The following TPRKB variants were observed in gnomAD, a reference collection of about 807,000 sequenced individuals.
TPRKB encodes EKC/KEOPS complex subunit TPRKB.
Under a neutral mutation model 17.8 loss-of-function variants are expected in TPRKB, and 11 were observed. The observed-to-expected ratio is 0.62, with a 90% CI of 0.39 to 1.02. The LOEUF is 1.02. Ranked by LOEUF, TPRKB falls within the 50% of genes least tolerant of loss-of-function variation. The pLI is 0.00. For synonymous variants in TPRKB, 71 were observed against 69.5 expected (o/e 1.02, Z -0.11); for missense variants, 228 against 198.0 (o/e 1.15, Z -0.91).
At chr2:73,730,148 CAA>C in intron 4 of TPRKB, 119 bp from the exon 5 acceptor site, 2 of 1,177,582 alleles carry the variant, frequency 1.7e-6, no homozygotes, top group Non-Finnish European at 2.3e-6. Flanking sequence ...CATGGTATAA[CAA>C]ACAACAAATG....
At chr2:73,735,866 A>G (rs1327340608) in intron 1 of TPRKB, among the ~76,000 whole-genome samples, 1 of 152,222 alleles carries the variant, frequency 6.6e-6, no homozygotes. Context: ...TAATTATATA[A>G]GATGTTCCTC....
At chr2:73,736,930 T>C (rs1340602353) in intron 1 of TPRKB, among the ~76,000 whole-genome samples, 5 of 152,140 alleles carry the variant, frequency 3.3e-5, no homozygotes, top group African/African-American at 9.7e-5. Context: ...TTCTGCCCTA[T>C]CGGACAGGTA....
chr2:73,733,421 G>T (rs1671726087), intron 2 of TPRKB, among the ~76,000 whole-genome samples: 1 of 151,892 alleles, frequency 6.6e-6, no homozygotes, highest in Admixed American at 6.6e-5. Flanking sequence ...ACCACACCCA[G>T]CTACTTTTTG....
At chr2:73,733,936 G>A (rs1264291101) in intron 2 of TPRKB, among the ~76,000 whole-genome samples, 4 of 149,310 alleles carry the variant, frequency 2.7e-5, no homozygotes, top group Non-Finnish European at 5.9e-5. Context: ...TCCTGCCTCA[G>A]TCTCCTGAGT....
Position 73,730,752 on chromosome 2 carries a change from TG to T in TPRKB, c.265-17del. 6.8e-7 allele frequency: 1 copy of T among 1,472,066 alleles called. No individual in the cohort carries two copies. 91.2% of individuals were successfully genotyped at this position (1,472,066 alleles called of 1,614,324 possible). A position where few individuals can be genotyped will look rare whatever the true frequency, so the allele number is the denominator to read the frequency against. On this transcript the variant is annotated splice_polypyrimidine_tract_variant and intron_variant, in intron 3 of 4. Transcript: ENST00000272424. Reference sequence around the variant, plus strand: ...CCTCTGAAATCTAAGAGAAAAAAAATGAAAAAAAAAACACAAGATCATTAAC... The same window carrying T: ...CCTCTGAAATCTAAGAGAAAAAAAATAAAAAAAAAACACAAGATCATTAAC...
intron 1 of TPRKB, among the ~76,000 whole-genome samples, chr2:73,735,215 C>CCAGCTACT (rs947491822): frequency 6.6e-6 from 1 of 151,906 alleles, no homozygotes; most frequent in African/African-American, 2.4e-5. Flanking sequence ...GCCTGTAATC[C>CCAGCTACT]CAGCTACTCA....
chr2:73,737,307 G>A lies in TPRKB; in HGVS notation c.-28C>T, dbSNP rs1032450283. 6.6e-6 allele frequency: 1 copy of A among 152,176 alleles called. No individual in the cohort carries two copies. The highest frequency in any genetic ancestry group is 1.5e-5 in the Non-Finnish European group (1 of 68,068). 9.4% of individuals were successfully genotyped at this position (152,176 alleles called of 1,614,324 possible). A position where few individuals can be genotyped will look rare whatever the true frequency, so the allele number is the denominator to read the frequency against. ...AGAGCGCAAGGAAAACTCACCATCC[G>A]GCCCCCAGTGCGTCTCGGAAGAGCT... On this transcript the variant is annotated 5_prime_UTR_variant, in exon 1 of 5. Transcript: ENST00000272424.
chr2:73,734,517 A>G lies in TPRKB; in HGVS notation c.53T>C (p.Leu18Pro). The change falls in exon 2 of 5, where the codon CTG becomes CCG. Residue 18 changes from leucine (L) to proline (P), a missense_variant. Leu to Pro is a moderately conservative substitution (Grantham distance 98). Transcript: ENST00000272424. ...DLFPECRVTL[L>P]LFKDVKNAGD... ...CGCATTTTTTACATCTTTAAATAAC[A>G]GAAGGGTTACCCTGCATTCGGGAAA... The G allele has an allele frequency of 1.2e-6, 2 of 1,614,122 alleles. No homozygotes were observed. The highest frequency in any genetic ancestry group is 1.7e-6 in the Non-Finnish European group (2 of 1,179,986).
At chr2:73,732,518 C>G in intron 2 of TPRKB, 2 of 448,308 alleles carry the variant, frequency 4.5e-6, no homozygotes, top group Non-Finnish European at 8.0e-6. Flanking sequence ...CAAGACCAGC[C>G]TGGCCAACAC....
At chr2:73,730,338 C>A in intron 4 of TPRKB, 2 of 448,072 alleles carry the variant, frequency 4.5e-6, no homozygotes. Context: ...TATTCTCTTT[C>A]TTAATGTGGA....
chr2:73,731,997 T>C, intron 3 of TPRKB, 166 bp downstream of exon 3: 1 of 707,008 alleles, frequency 1.4e-6, no homozygotes, highest in Non-Finnish European at 2.3e-6. Context: ...TAAACTGTCT[T>C]AGTAAGAGGC....
At position 73,732,302 on chromosome 2, in the gene TPRKB, AAAG is replaced by A. The variant is rs767479149; in HGVS notation, c.142-20_142-18del. ...ATCAACAATCTACCAAAGCAAGGAAAAAGAATTAATTACACATGGAGAATCTGC... is the reference window on the plus strand; with the variant it reads ...ATCAACAATCTACCAAAGCAAGGAAAAATTAATTACACATGGAGAATCTGC... On this transcript the variant is annotated intron_variant, in intron 2 of 4. Transcript: ENST00000272424. 44 of 1,608,188 alleles carry A rather than the reference AAAG, an allele frequency of 2.7e-5. No individual in the cohort carries two copies. Among genetic ancestry groups the A allele is most frequent in the Non-Finnish European group, 3.6e-5 (42 of 1,178,216 alleles).
intron 3 of TPRKB, 61 bp downstream of exon 3, chr2:73,732,102 A>G: frequency 1.3e-6 from 2 of 1,566,070 alleles, no homozygotes; most frequent in Non-Finnish European, 1.7e-6. Flanking sequence ...CTCCAACCCA[A>G]CACTGAGGAA....
In TPRKB at chr2:73,734,514, A is replaced by G. The variant is rs1436142289; in HGVS notation, c.56T>C (p.Leu19Ser). 6.2e-7 allele frequency: 1 copy of G among 1,613,976 alleles called. No homozygotes were observed. The highest frequency in any genetic ancestry group is 8.5e-7 in the Non-Finnish European group (1 of 1,179,974). ...TCCCGCATTTTTTACATCTTTAAAT[A>G]ACAGAAGGGTTACCCTGCATTCGGG... ...LFPECRVTLL[L>S]FKDVKNAGDL... Residue 19 changes from leucine to serine, a missense_variant, in exon 2 of 5, where the codon TTA becomes TCA. Coordinates refer to ENST00000272424, the MANE Select transcript of TPRKB (RefSeq NM_016058.5).
intron 2 of TPRKB, 41 bp downstream of exon 2, chr2:73,734,388 C>T (rs191053972): frequency 9.1e-5 from 145 of 1,585,264 alleles, no homozygotes; most frequent in Admixed American, 4.2e-4. Context: ...CGTGAGCCAC[C>T]GCACCCAGCA....
intron 1 of TPRKB, among the ~76,000 whole-genome samples, chr2:73,737,073 G>C (rs1351103208): frequency 6.6e-6 from 1 of 152,010 alleles, no homozygotes; most frequent in East Asian, 1.9e-4. Flanking sequence ...TCCTTTTTGG[G>C]CCCAATCACA....
intron 1 of TPRKB, among the ~76,000 whole-genome samples, chr2:73,734,959 T>A (rs1273363763): frequency 6.6e-6 from 1 of 152,236 alleles, no homozygotes; most frequent in East Asian, 1.9e-4. Flanking sequence ...TTAGTCTTTT[T>A]AACTTCCTGA....
intron 1 of TPRKB, among the ~76,000 whole-genome samples, chr2:73,734,911 A>G (rs549792093): frequency 6.6e-6 from 1 of 152,360 alleles, no homozygotes; most frequent in Non-Finnish European, 1.5e-5. Context: ...TTTTTAAACC[A>G]GAGGTTGCTT....
intron 4 of TPRKB, 174 bp from the exon 5 acceptor site, chr2:73,730,203 C>A: frequency 2.6e-6 from 2 of 759,062 alleles, no homozygotes; most frequent in Non-Finnish European, 3.8e-6. Flanking sequence ...TTACTTGTAT[C>A]CCCTTTAAAT....
Sources: gnomAD v4.1 joint callset for allele counts (sites outside exome capture counted in the v4.1 genomes callset) on GRCh38, gnomAD v4.1.1 for gene constraint, MANE v1.5 for transcripts, NCBI Gene and HGNC (gene_info 2026-07-23, HGNC 2026-07-21) for gene names.